Variants in PLCB4 observed in about 807,000 individuals in gnomAD.
The protein encoded by PLCB4 is 1-phosphatidylinositol 4,5-bisphosphate phosphodiesterase beta-4.
A neutral mutation model predicts 178.8 loss-of-function variants in PLCB4; 77 were observed. The observed-to-expected ratio is 0.43, with a 90% CI of 0.36 to 0.52. The LOEUF (loss-of-function observed/expected upper bound fraction) is 0.52, where lower values mean the gene tolerates loss of function less well. PLCB4 is among the 20% of genes least tolerant of loss of function. The pLI is 0.00. For missense variants in PLCB4, 1,024 were observed against 1,453.4 expected (o/e 0.70, Z 4.80); for synonymous variants, 496 against 490.8 (o/e 1.01, Z -0.14).
rs1255847280 is a variant in PLCB4, at chr20:9,452,240, CT to C, written c.2881-1105del. On this transcript the variant is annotated intron_variant, in intron 32 of 39. Transcript: ENST00000378473. ...AGTCTTGGTAAAGACTTAAAAATTC[CT>C]TCCCCATTTATATTTTATGAAACCG... Among the ~76,000 whole-genome samples the C allele has an allele frequency of 2.0e-5, 3 of 152,178 alleles. No homozygotes were observed. In the South Asian group the frequency reaches 6.2e-4, roughly 32 times the overall value.
chr20:9,250,964 A>G (rs1025358654), intron 3 of PLCB4, among the ~76,000 whole-genome samples: 2 of 152,208 alleles, frequency 1.3e-5, no homozygotes, highest in African/African-American at 4.8e-5. Context: ...AGTAGTGACT[A>G]TGCATGTCCA....
intron 24 of PLCB4, 36 bp from the exon 25 acceptor site, chr20:9,411,001 A>G (rs777493807): frequency 2.0e-6 from 3 of 1,533,702 alleles, no homozygotes; most frequent in Non-Finnish European, 2.7e-6. Context: ...TTTGTCTAGG[A>G]AGACAAGATG....
chr20:9,420,728 C>A (rs568137900), intron 26 of PLCB4, among the ~76,000 whole-genome samples: 1 of 152,174 alleles, frequency 6.6e-6, no homozygotes, highest in Non-Finnish European at 1.5e-5. Flanking sequence ...AACAAAAAAC[C>A]CTAATAAGTG....
Position 9,337,144 on chromosome 20 carries a change from C to A in PLCB4, c.103C>A (p.Pro35Thr). The change falls in exon 5 of 40, where the codon CCC becomes ACC. Residue 35 changes from proline to threonine, a missense_variant. Physicochemically the swap from Pro to Thr is conservative, Grantham distance 38. This residue lies in a region of PLCB4 where 225 missense variants were observed against 291.0 expected (regional missense o/e 0.77). Coordinates refer to ENST00000378473, the MANE Select transcript of PLCB4 (RefSeq NM_001377142.1). ...RYEEESFVFE[P>T]NCLFKVDEFG... ...TTGACAGGAATCCTTTGTGTTTGAA[C>A]CCAACTGCCTCTTCAAAGTGGATGA... is the stretch of plus-strand genomic sequence containing the variant. The A allele has an allele frequency of 6.2e-7, 1 of 1,612,366 alleles. No individual in the cohort carries two copies. The highest frequency in any genetic ancestry group is 1.7e-5 in the Admixed American group (1 of 59,966).
At chr20:9,351,653 A>G (rs79099087) in intron 7 of PLCB4, among the ~76,000 whole-genome samples, 1,882 of 152,316 alleles carry the variant, frequency 0.012, 37 homozygotes, top group African/African-American at 0.043. Flanking sequence ...CCACCGATTT[A>G]GATTCCTTTT....
intron 3 of PLCB4, among the ~76,000 whole-genome samples, chr20:9,263,002 T>G (rs1052677176): frequency 7.9e-5 from 12 of 152,182 alleles, no homozygotes; most frequent in African/African-American, 2.9e-4. Context: ...CAGTGCTGTT[T>G]TTCTCTGCCC....
At chr20:9,241,389 T>TAC (rs11470548) in intron 3 of PLCB4, among the ~76,000 whole-genome samples, 8,314 of 148,194 alleles carry the variant, frequency 0.056, 334 homozygotes, top group African/African-American at 0.11. Flanking sequence ...CATGCATGCA[T>TAC]ACACACACAC....
chr20:9,283,679 A>G (rs983016862), intron 3 of PLCB4, among the ~76,000 whole-genome samples: 8 of 151,930 alleles, frequency 5.3e-5, no homozygotes, highest in African/African-American at 1.9e-4. Context: ...TGAATAGTCT[A>G]CCTACTCTGC....
intron 30 of PLCB4, among the ~76,000 whole-genome samples, chr20:9,443,423 T>C (rs2042226054): frequency 1.3e-5 from 2 of 152,164 alleles, no homozygotes; most frequent in South Asian, 2.1e-4. Context: ...ATCTCACAGC[T>C]CCTATGAATT....
intron 3 of PLCB4, among the ~76,000 whole-genome samples, chr20:9,277,154 G>A (rs2147662244): frequency 6.6e-6 from 1 of 152,116 alleles, no homozygotes; most frequent in East Asian, 2.0e-4. Context: ...TTCACTGCAT[G>A]TTAGCTACAG....
At chr20:9,181,338 G>T (rs113641977) in intron 2 of PLCB4, among the ~76,000 whole-genome samples, 8 of 152,264 alleles carry the variant, frequency 5.3e-5, no homozygotes, top group African/African-American at 1.7e-4. Context: ...ACTGTTAAAG[G>T]TGTATCTGAA....
chr20:9,439,169 G>C (rs1212396711), intron 30 of PLCB4, among the ~76,000 whole-genome samples: 1 of 152,178 alleles, frequency 6.6e-6, no homozygotes, highest in African/African-American at 2.4e-5. Context: ...TGTTTCATTG[G>C]GTTGGTTGGT....
At chr20:9,123,619 C>T (rs1026387085) in intron 2 of PLCB4, among the ~76,000 whole-genome samples, 2 of 151,920 alleles carry the variant, frequency 1.3e-5, no homozygotes, top group Non-Finnish European at 2.9e-5. Flanking sequence ...TTCATTTTCT[C>T]ATCTTCCCTA....
At chr20:9,153,436 G>A (rs1160291349) in intron 2 of PLCB4, among the ~76,000 whole-genome samples, 2 of 152,222 alleles carry the variant, frequency 1.3e-5, no homozygotes, top group Admixed American at 6.5e-5. Context: ...TACATCTTGA[G>A]ATCTGATGGG....
At chr20:9,174,776 T>G (rs1210875758) in intron 2 of PLCB4, among the ~76,000 whole-genome samples, 2 of 152,178 alleles carry the variant, frequency 1.3e-5, no homozygotes, top group Non-Finnish European at 2.9e-5. Context: ...CTGTCATTTA[T>G]CAGCAGAACA....
At chr20:9,400,997 C>T (rs1343488262) in intron 19 of PLCB4, among the ~76,000 whole-genome samples, 1 of 152,154 alleles carries the variant, frequency 6.6e-6, no homozygotes, top group Non-Finnish European at 1.5e-5. Context: ...TGAGGCCTTT[C>T]TTTTTTCTAC....
At chr20:9,295,604 G>A (rs2094624924) in intron 3 of PLCB4, among the ~76,000 whole-genome samples, 1 of 152,128 alleles carries the variant, frequency 6.6e-6, no homozygotes, top group African/African-American at 2.4e-5. Flanking sequence ...TGTATAAGGT[G>A]TAAGGAAGGG....
chr20:9,472,053 T>G (rs1218976150), intron 36 of PLCB4, among the ~76,000 whole-genome samples: 1 of 152,232 alleles, frequency 6.6e-6, no homozygotes, highest in African/African-American at 2.4e-5. Context: ...TAGTGTAGTC[T>G]GTTCATAAAT....
chr20:9,382,773 T>G (rs1662111966), intron 13 of PLCB4, among the ~76,000 whole-genome samples: 2 of 152,232 alleles, frequency 1.3e-5, no homozygotes, highest in South Asian at 4.1e-4. Flanking sequence ...TTATATTTAT[T>G]TGTTTACTTA....
Sources: allele counts gnomAD v4.1 joint callset (sites outside exome capture counted in the v4.1 genomes callset), GRCh38; gene constraint gnomAD v4.1.1; regional missense constraint gnomAD v4.1.1; transcripts MANE v1.5; gene names NCBI Gene and HGNC (gene_info 2026-07-23, HGNC 2026-07-21).